Variants in OPCML observed in about 807,000 individuals in gnomAD.
The protein encoded by OPCML is opioid binding protein/cell adhesion molecule like, also known as opioid-binding protein/cell adhesion molecule.
Under a neutral mutation model 37.8 loss-of-function variants are expected in OPCML, and 13 were observed. The observed-to-expected ratio is 0.34, with a 90% CI of 0.22 to 0.55. OPCML has a LOEUF of 0.55. Among genes scored for constraint, OPCML ranks in the 20% least tolerant of loss-of-function variants. The pLI is 0.91. For synonymous variants in OPCML, 176 were observed against 168.8 expected (o/e 1.04, Z -0.33); for missense variants, 341 against 435.6 (o/e 0.78, Z 1.93).
intron 2 of OPCML, among the ~76,000 whole-genome samples, chr11:132,742,141 T>C (rs866954714): frequency 2.6e-5 from 4 of 152,350 alleles, no homozygotes; most frequent in Middle Eastern, 3.4e-3. Context: ...GAATACCCAG[T>C]CAGTGACGTA....
intron 2 of OPCML, among the ~76,000 whole-genome samples, chr11:132,708,860 A>G (rs983828492): frequency 9.2e-5 from 14 of 152,362 alleles, no homozygotes; most frequent in African/African-American, 2.6e-4. Flanking sequence ...CGATAATGAA[A>G]AAGGCTTAGC....
At chr11:132,551,370 T>C (rs944995555) in intron 3 of OPCML, among the ~76,000 whole-genome samples, 2 of 151,942 alleles carry the variant, frequency 1.3e-5, no homozygotes, top group African/African-American at 4.8e-5. Flanking sequence ...CTGAACTAAC[T>C]TGGGGAGGGG....
rs1950318810 is a variant in OPCML, at chr11:133,173,655, A to AAGGGT, written c.62-230650_62-230646dup. Among the ~76,000 whole-genome samples, 4 of 152,184 alleles carry AAGGGT rather than the reference A, an allele frequency of 2.6e-5. No homozygotes were observed. Among genetic ancestry groups the AAGGGT allele is most frequent in the Admixed American group, 2.6e-4 (4 of 15,282 alleles). The stretch of plus-strand genomic sequence containing the variant: ...AGCAGTAACGCGATGAGGCTAACGT[A>AAGGGT]AGGGTAGACACCTCCCTGCAGATAA... On this transcript the variant is annotated intron_variant, in intron 1 of 7. Coordinates refer to ENST00000524381, the MANE Select transcript of OPCML (RefSeq NM_001012393.5). The surrounding 1 kb of genome is among the most constrained non-coding windows in gnomAD (Gnocchi z 7.8).
chr11:133,149,816 T>C (rs1326400259), intron 1 of OPCML, among the ~76,000 whole-genome samples: 1 of 152,192 alleles, frequency 6.6e-6, no homozygotes, highest in Admixed American at 6.5e-5. Flanking sequence ...CCAATTTGGA[T>C]CCAAAGCCTG....
intron 2 of OPCML, among the ~76,000 whole-genome samples, chr11:132,908,231 A>G (rs950474337): frequency 1.3e-5 from 2 of 151,750 alleles, no homozygotes; most frequent in African/African-American, 4.9e-5. Flanking sequence ...GATGTTACAG[A>G]AAGAAAAGTG....
At chr11:132,517,568 G>T (rs1489646384) in intron 4 of OPCML, among the ~76,000 whole-genome samples, 4 of 152,122 alleles carry the variant, frequency 2.6e-5, no homozygotes, top group Admixed American at 2.6e-4. Flanking sequence ...AGTCACTGTG[G>T]ACCCACTGCT....
chr11:132,892,230 G>A (rs892354815), intron 2 of OPCML, among the ~76,000 whole-genome samples: 1 of 152,142 alleles, frequency 6.6e-6, no homozygotes, highest in African/African-American at 2.4e-5. Flanking sequence ...CAGCGGAAAA[G>A]GCAGACTTCT....
At chr11:132,502,210 A>G (rs1404122484) in intron 4 of OPCML, among the ~76,000 whole-genome samples, 1 of 152,184 alleles carries the variant, frequency 6.6e-6, no homozygotes, top group African/African-American at 2.4e-5. Flanking sequence ...TGCTTCTTAA[A>G]GACACAGCAT....
At chr11:133,154,059 T>C (rs1387601409) in intron 1 of OPCML, among the ~76,000 whole-genome samples, 3 of 152,016 alleles carry the variant, frequency 2.0e-5, no homozygotes, top group East Asian at 3.9e-4. Context: ...AGAGTCACCC[T>C]GCAGAGAGGG....
At chr11:132,706,648 C>G (rs1254439731) in intron 2 of OPCML, among the ~76,000 whole-genome samples, 1 of 152,082 alleles carries the variant, frequency 6.6e-6, no homozygotes, top group Non-Finnish European at 1.5e-5. Flanking sequence ...CTCCTCTAAC[C>G]CCCTACTACA....
chr11:133,142,969 G>A (rs990120411), intron 1 of OPCML, among the ~76,000 whole-genome samples: 1 of 152,148 alleles, frequency 6.6e-6, no homozygotes, highest in Non-Finnish European at 1.5e-5. Flanking sequence ...GGGCCATGCT[G>A]CTGGCTCTTG....
At position 133,035,202 on chromosome 11, in the gene OPCML, G is replaced by A. The variant is rs546076453; in HGVS notation, c.62-92192C>T. Among the ~76,000 whole-genome samples, 15 of 152,298 alleles carry A rather than the reference G, an allele frequency of 9.8e-5. No individual in the cohort carries two copies. In the East Asian group the frequency reaches 1.4e-3, roughly 14 times the overall value. ...CCAGCCCGACAGGGGAGGGTGTGCC[G>A]GGCGGCTTGCCACCCTATCTGTCAT... On this transcript the variant is annotated intron_variant, in intron 1 of 7. Transcript: ENST00000524381.
At chr11:132,697,472 ACTCT>A (rs1358614116) in intron 2 of OPCML, among the ~76,000 whole-genome samples, 1 of 151,942 alleles carries the variant, frequency 6.6e-6, no homozygotes, top group Non-Finnish European at 1.5e-5. Context: ...ACCATTCGAC[ACTCT>A]CTTTCTGTGA....
At chr11:133,284,002 C>T (rs1012942220) in intron 1 of OPCML, among the ~76,000 whole-genome samples, 4 of 152,184 alleles carry the variant, frequency 2.6e-5, no homozygotes, top group Non-Finnish European at 4.4e-5. Flanking sequence ...TTGTCACTTT[C>T]CGCCAGCAGT....
intron 1 of OPCML, among the ~76,000 whole-genome samples, chr11:133,109,903 T>C (rs984041710): frequency 1.3e-5 from 2 of 152,210 alleles, no homozygotes; most frequent in African/African-American, 4.8e-5. Flanking sequence ...CTAGAGGAGA[T>C]AGAATGCATA....
At chr11:133,322,454 A>C (rs1943355348) in intron 1 of OPCML, among the ~76,000 whole-genome samples, 1 of 152,222 alleles carries the variant, frequency 6.6e-6, no homozygotes, top group Non-Finnish European at 1.5e-5. Context: ...TTTCAAACAC[A>C]AATGCTTAGG....
At chr11:132,596,865 A>G (rs754105007) in intron 3 of OPCML, among the ~76,000 whole-genome samples, 26 of 152,252 alleles carry the variant, frequency 1.7e-4, no homozygotes, top group Non-Finnish European at 2.5e-4. Flanking sequence ...GTTTAAGAGC[A>G]TCCTAGAGGA....
chr11:132,804,571 A>G (rs1373696833), intron 2 of OPCML, among the ~76,000 whole-genome samples: 1 of 150,896 alleles, frequency 6.6e-6, no homozygotes. Context: ...AGGCCCCGCT[A>G]GAATGATGAG....
chr11:133,282,860 G>C (rs1289427174), intron 1 of OPCML, among the ~76,000 whole-genome samples: 1 of 152,188 alleles, frequency 6.6e-6, no homozygotes, highest in African/African-American at 2.4e-5. Context: ...GGATCTTTAA[G>C]GTGTAATGGC....
Sources: gnomAD v4.1 joint callset for allele counts (sites outside exome capture counted in the v4.1 genomes callset) on GRCh38, gnomAD v4.1.1 for gene constraint, Gnocchi (gnomAD v3.1) non-coding constraint, MANE v1.5 for transcripts, NCBI Gene and HGNC (gene_info 2026-07-23, HGNC 2026-07-21) for gene names.